The following DIS3 variants were observed in gnomAD, a reference collection of about 807,000 sequenced individuals.
The protein encoded by DIS3 is exosome complex exonuclease RRP44.
A neutral mutation model predicts 113.0 loss-of-function variants in DIS3; 103 were observed. The observed-to-expected ratio is 0.91, with a 90% CI of 0.78 to 1.07. DIS3 has a LOEUF of 1.07. Among genes scored for constraint, DIS3 ranks in the 50% least tolerant of loss-of-function variants. DIS3 has a pLI of 0.00. For missense variants in DIS3, 1,121 were observed against 1,167.1 expected (o/e 0.96, Z 0.58); for synonymous variants, 402 against 394.3 (o/e 1.02, Z -0.23).
In DIS3 at chr13:72,770,274, T is replaced by A. The variant is rs186112694; in HGVS notation, c.1755+630A>T. 3.2e-3 allele frequency among the ~76,000 whole-genome samples: 486 copies of A among 152,104 alleles called. 1 individual carries two copies. Among genetic ancestry groups the A allele is most frequent in the Non-Finnish European group, 5.3e-3 (363 of 67,998 alleles). ...TGAATCACATCAAAAATTATCTGCT[T>A]ATAATTGGAAAAAAAAAACCCTCAA... On this transcript the variant is annotated intron_variant, in intron 13 of 20. Coordinates refer to ENST00000377767, the MANE Select transcript of DIS3 (RefSeq NM_014953.5).
intron 19 of DIS3, 84 bp from the exon 20 acceptor site, chr13:72,760,735 G>A (rs2033602773): frequency 1.0e-5 from 15 of 1,471,878 alleles, no homozygotes; most frequent in Non-Finnish European, 1.4e-5. Flanking sequence ...ATCTTACATA[G>A]TAGAAGTTTA....
intron 2 of DIS3, 88 bp downstream of exon 2, chr13:72,780,758 G>A (rs1314428472): frequency 8.1e-7 from 1 of 1,228,926 alleles, no homozygotes; most frequent in Non-Finnish European, 1.1e-6. Flanking sequence ...CTTATCTTCT[G>A]ACAATGTCAT....
Position 72,781,891 on chromosome 13 carries a change from T to A in DIS3, c.-59A>T. 1 of 1,427,556 alleles carries A rather than the reference T, an allele frequency of 7.0e-7. No individual in the cohort carries two copies. Among genetic ancestry groups the A allele is most frequent in the Non-Finnish European group, 9.4e-7 (1 of 1,067,168 alleles). 88.4% of individuals were successfully genotyped at this position (1,427,556 alleles called of 1,614,324 possible). ...GCGCTCTTCCAGCAAAAGGCGTCAA[T>A]CTAGAATACGCCTAACCCCGGAGGT... is the stretch of plus-strand genomic sequence containing the variant. On this transcript the variant is annotated 5_prime_UTR_variant, in exon 1 of 21. Transcript: ENST00000377767.
At position 72,758,802 on chromosome 13, in the gene DIS3, G is replaced by C. The variant is rs556801143; in HGVS notation, c.*993C>G. 1.0e-5 allele frequency: 2 copies of C among 197,492 alleles called. No individual in the cohort carries two copies. The highest frequency in any genetic ancestry group is 4.6e-5 in the African/African-American group (2 of 43,354). The allele number at this position is 197,492 out of a possible 1,614,324, so 12.2% of individuals were successfully genotyped here. A position where few individuals can be genotyped will look rare whatever the true frequency, so the allele number is the denominator to read the frequency against. The stretch of plus-strand genomic sequence containing the variant: ...GAAGGCAGAGATAATTTACTTGAGT[G>C]GAACCTGGCACAACGTAAGTGCTTT... On this transcript the variant is annotated 3_prime_UTR_variant, in exon 21 of 21. Transcript: ENST00000377767.
At chr13:72,781,456 G>A (rs2034216802) in intron 1 of DIS3, 149 bp downstream of exon 1, 3 of 1,460,730 alleles carry the variant, frequency 2.1e-6, no homozygotes, top group Non-Finnish European at 2.7e-6. Context: ...ACCTCGGCCT[G>A]GGGAACAGGA....
chr13:72,752,743 A>T lies in DIS3; in HGVS notation c.*7052T>A, dbSNP rs2033311086. 6.6e-6 allele frequency: 1 copy of T among 150,582 alleles called. No homozygotes were observed. The highest frequency in any genetic ancestry group is 2.5e-5 in the African/African-American group (1 of 40,798). The allele number at this position is 150,582 out of a possible 1,614,324, so 9.3% of individuals were successfully genotyped here. On this transcript the variant is annotated 3_prime_UTR_variant, in exon 21 of 21. Coordinates refer to ENST00000377767, the MANE Select transcript of DIS3 (RefSeq NM_014953.5). ...TAAGCAGATATGTATCCAGCCTTGA[A>T]ATCTGGGAACATTTTTTCAGGATTA... is the stretch of plus-strand genomic sequence containing the variant.
intron 20 of DIS3, 64 bp downstream of exon 20, chr13:72,760,465 C>T (rs1481718749): frequency 6.3e-7 from 1 of 1,599,668 alleles, no homozygotes; most frequent in Non-Finnish European, 8.5e-7. Context: ...AACTACGTCC[C>T]TTCTTTGACA....
intron 13 of DIS3, among the ~76,000 whole-genome samples, chr13:72,769,162 A>G (rs2033825657): frequency 1.3e-5 from 2 of 152,236 alleles, no homozygotes; most frequent in African/African-American, 2.4e-5. Context: ...GTTAGCAAAT[A>G]AACTTTAAAC....
chr13:72,759,766 C>A lies in DIS3; in HGVS notation c.*29G>T. On this transcript the variant is annotated 3_prime_UTR_variant, in exon 21 of 21. Coordinates refer to ENST00000377767, the MANE Select transcript of DIS3 (RefSeq NM_014953.5). Reference sequence around the variant, plus strand: ...AAGTTTTTTCTTTTAAAAAAGAAACCAGTCTTTGAAGATTTTTGTTGAATA... The same window carrying A: ...AAGTTTTTTCTTTTAAAAAAGAAACAAGTCTTTGAAGATTTTTGTTGAATA... 1 of 1,576,994 alleles carries A rather than the reference C, an allele frequency of 6.3e-7. No homozygotes were observed. Among genetic ancestry groups the A allele is most frequent in the Non-Finnish European group, 8.7e-7 (1 of 1,154,484 alleles).
rs777934089 is a variant in DIS3 at position 72,773,929 on chromosome 13, A to T, written c.1101+17T>A. ...GTTTATCATTTTTTTATTACATAGT[A>T]AATGCTCTTTACTCACCTCCTTAAT... On this transcript the variant is annotated intron_variant, in intron 7 of 20. Transcript: ENST00000377767. The T allele has an allele frequency of 9.4e-6, 15 of 1,593,372 alleles. No individual in the cohort carries two copies. The highest frequency in any genetic ancestry group is 1.8e-5 in the Admixed American group (1 of 55,796).
chr13:72,772,949 A>G (rs2033922717), intron 8 of DIS3, 110 bp from the exon 9 acceptor site: 12 of 1,241,540 alleles, frequency 9.7e-6, no homozygotes, highest in Middle Eastern at 2.3e-4. Flanking sequence ...AAATATTCCC[A>G]TAACGATTTC....
intron 15 of DIS3, 36 bp from the exon 16 acceptor site, chr13:72,763,643 A>G: frequency 1.3e-6 from 2 of 1,579,636 alleles, no homozygotes; most frequent in Non-Finnish European, 1.7e-6. Flanking sequence ...AACAAAAAAG[A>G]GAATCTGAGA....
At chr13:72,772,030 TG>T in intron 10 of DIS3, 128 bp downstream of exon 10, 1 of 1,205,966 alleles carries the variant, frequency 8.3e-7, no homozygotes, top group Non-Finnish European at 1.2e-6. Flanking sequence ...TTCTGACATA[TG>T]GCCAATAGCG....
chr13:72,768,639 G>A lies in DIS3; in HGVS notation c.1883+146C>T, dbSNP rs768817010. On this transcript the variant is annotated intron_variant, in intron 14 of 20. Transcript: ENST00000377767. ...AGCGTGGGTGACAGAGTAAAACTCCGTTTCAAATACATACATACATACATA... is the reference window on the plus strand; with the variant it reads ...AGCGTGGGTGACAGAGTAAAACTCCATTTCAAATACATACATACATACATA... 76 of 544,416 alleles carry A rather than the reference G, an allele frequency of 1.4e-4. No homozygotes were observed. In the Middle Eastern group the frequency reaches 1.7e-3, roughly 12 times the overall value. The allele number at this position is 544,416 out of a possible 1,614,324, so 33.7% of individuals were successfully genotyped here.
In DIS3 at chr13:72,781,351, T is replaced by C. The variant is rs527417941; in HGVS notation, c.228+254A>G. On this transcript the variant is annotated intron_variant, in intron 1 of 20. Coordinates refer to ENST00000377767, the MANE Select transcript of DIS3 (RefSeq NM_014953.5). Reference sequence around the variant, plus strand: ...CCCAGGTCCCCGGCCTCCAGGCACTTACAATCTAAGGCAGAAGAGACACCA... The same window carrying C: ...CCCAGGTCCCCGGCCTCCAGGCACTCACAATCTAAGGCAGAAGAGACACCA... 2.8e-5 allele frequency: 43 copies of C among 1,551,272 alleles called. No individual in the cohort carries two copies. In the South Asian group the frequency reaches 4.2e-4, roughly 15 times the overall value.
At position 72,766,005 on chromosome 13, in the gene DIS3, T is replaced by A; in HGVS notation, c.1937A>T (p.His646Leu). 20 of 1,611,696 alleles carry A rather than the reference T, an allele frequency of 1.2e-5. No individual in the cohort carries two copies. The highest frequency in any genetic ancestry group is 1.7e-5 in the Non-Finnish European group (20 of 1,178,702). The change falls in exon 15 of 21, where the codon CAC becomes CTC. Residue 646 changes from histidine (H) to leucine (L), a missense_variant. Physicochemically the swap from His to Leu is moderately conservative, Grantham distance 99. Transcript: ENST00000377767. ...CTTGGTCTGCAGATCTATAGGATCG[T>A]GAGTTTCACTGTCCATGTGGAATCG... is the stretch of plus-strand genomic sequence containing the variant. Reference protein sequence around the residue: ...EVRFHMDSETHDPIDLQTKEL... With the variant: ...EVRFHMDSETLDPIDLQTKEL...
In DIS3 at chr13:72,756,027, G is replaced by C; in HGVS notation, c.*3768C>G. The C allele has an allele frequency of 2.5e-6, 1 of 398,490 alleles. No individual in the cohort carries two copies. The allele number at this position is 398,490 out of a possible 1,614,324, so 24.7% of individuals were successfully genotyped here. A position where few individuals can be genotyped will look rare whatever the true frequency, so the allele number is the denominator to read the frequency against. On this transcript the variant is annotated 3_prime_UTR_variant, in exon 21 of 21. Transcript: ENST00000377767. The stretch of plus-strand genomic sequence containing the variant: ...AGGCCTGTGAAGTAACACTGGGGCA[G>C]ATATGTATGTTATATACAACTATTT...
rs2033468663 is a variant in DIS3, at chr13:72,756,220, A to G, written c.*3575T>C. ...AATGTGTCATTTTCTTCTTTCCTCC[A>G]TAACTGTACCTTGAAACCTTACTGC... On this transcript the variant is annotated 3_prime_UTR_variant, in exon 21 of 21. Coordinates refer to ENST00000377767, the MANE Select transcript of DIS3 (RefSeq NM_014953.5). 7 of 305,468 alleles carry G rather than the reference A, an allele frequency of 2.3e-5. No homozygotes were observed. The highest frequency in any genetic ancestry group is 1.6e-4 in the South Asian group (1 of 6,186). 18.9% of individuals were successfully genotyped at this position (305,468 alleles called of 1,614,324 possible). A position where few individuals can be genotyped will look rare whatever the true frequency, so the allele number is the denominator to read the frequency against.
In DIS3 at chr13:72,778,250, A is replaced by C; in HGVS notation, c.517T>G (p.Phe173Val). ...MSADNQLQVIFITNDRRNKEK... is the reference protein window; with the variant it reads ...MSADNQLQVIVITNDRRNKEK... ...TTGTTTCTCCTGTCATTTGTTATGA[A>C]GATAACTTGCAGCTGGTTGTCTGCT... The change falls in exon 3 of 21, where the codon TTC (phenylalanine) becomes GTC (valine). Residue 173 changes from phenylalanine (F) to valine (V), a missense_variant. By Grantham distance (50) the Phe-to-Val change is conservative. This residue lies in a region of DIS3 where 254 missense variants were observed against 232.2 expected (regional missense o/e 1.09). Transcript: ENST00000377767. The C allele has an allele frequency of 2.5e-6, 4 of 1,609,078 alleles. No individual in the cohort carries two copies. In the South Asian group the frequency reaches 3.3e-5, roughly 13 times the overall value.
Sources: gnomAD v4.1 joint callset for allele counts (sites outside exome capture counted in the v4.1 genomes callset) on GRCh38, gnomAD v4.1.1 for gene constraint, gnomAD v4.1.1 regional missense constraint, MANE v1.5 for transcripts, NCBI Gene and HGNC (gene_info 2026-07-23, HGNC 2026-07-21) for gene names.